The following PPARG variants were observed in gnomAD, a reference collection of about 807,000 sequenced individuals.
PPARG encodes the protein peroxisome proliferator activated receptor gamma.
PPARG carries 17 observed loss-of-function variants against 39.2 expected under a neutral mutation model. The ratio of observed to expected loss-of-function variants is 0.43; its 90% CI spans 0.30 to 0.65. The LOEUF is 0.65. Among genes scored for constraint, PPARG ranks in the 30% least tolerant of loss-of-function variants. The pLI, the probability that PPARG is intolerant of heterozygous loss-of-function variation, is 0.13. For synonymous variants in PPARG, 223 were observed against 215.7 expected, an observed-to-expected ratio of 1.03 and a Z score of -0.30; for missense variants, 406 against 585.9, an observed-to-expected ratio of 0.69 and a Z score of 3.17.
intron 7 of PPARG, among the ~76,000 whole-genome samples, chr3:12,419,581 G>A (rs1033429196): frequency 6.6e-6 from 1 of 151,862 alleles, no homozygotes; most frequent in African/African-American, 2.4e-5. Flanking sequence ...TGACTCTCCT[G>A]CCTCAGCCTC....
chr3:12,365,901 A>C (rs956364364), intron 2 of PPARG, among the ~76,000 whole-genome samples: 3 of 152,086 alleles, frequency 2.0e-5, no homozygotes, highest in African/African-American at 7.2e-5. Context: ...TTGCTTCTCC[A>C]TATAAACTGC....
chr3:12,432,731 A>C (rs1028109186), intron 7 of PPARG, among the ~76,000 whole-genome samples: 9 of 152,236 alleles, frequency 5.9e-5, no homozygotes, highest in African/African-American at 2.2e-4. Context: ...CTATCCAAAA[A>C]AAGTAGAAAT....
chr3:12,356,166 G>A (rs140566471), intron 2 of PPARG, among the ~76,000 whole-genome samples: 1 of 152,192 alleles, frequency 6.6e-6, no homozygotes. Flanking sequence ...GAAAATATAG[G>A]TGATAATGAA....
At chr3:12,401,193 C>A (rs771140885) in intron 5 of PPARG, among the ~76,000 whole-genome samples, 17 of 152,222 alleles carry the variant, frequency 1.1e-4, no homozygotes, top group African/African-American at 4.1e-4. Flanking sequence ...CGCTTTCCTC[C>A]TCTTGGTTGT....
At chr3:12,395,128 A>G (rs369701411) in intron 5 of PPARG, among the ~76,000 whole-genome samples, 13 of 152,300 alleles carry the variant, frequency 8.5e-5, no homozygotes, top group African/African-American at 1.9e-4. Flanking sequence ...TTGGATAGTC[A>G]CTGAAATCAG....
At chr3:12,288,196 G>A (rs1471160451), upstream of PPARG, among the ~76,000 whole-genome samples, 1 of 151,810 alleles carries the variant, frequency 6.6e-6, no homozygotes, top group African/African-American at 2.4e-5. Context: ...CGGCTGAGGG[G>A]TCCGGGGCTG....
intron 5 of PPARG, among the ~76,000 whole-genome samples, chr3:12,401,276 A>G (rs2050459557): frequency 6.6e-6 from 1 of 152,138 alleles, no homozygotes; most frequent in African/African-American, 2.4e-5. Flanking sequence ...CTCACAAACA[A>G]TTTAAAGATG....
At chr3:12,374,306 C>T (rs1004648941) in intron 2 of PPARG, among the ~76,000 whole-genome samples, 1 of 151,942 alleles carries the variant, frequency 6.6e-6, no homozygotes, top group Non-Finnish European at 1.5e-5. Flanking sequence ...TTGTCAAAAC[C>T]CATAGAACTT....
At chr3:12,346,048 A>G (rs946693372) in intron 2 of PPARG, among the ~76,000 whole-genome samples, 2 of 152,214 alleles carry the variant, frequency 1.3e-5, no homozygotes, top group Admixed American at 1.3e-4. Context: ...ACAAGTTAAC[A>G]TAGTTTAGGT....
intron 3 of PPARG, among the ~76,000 whole-genome samples, chr3:12,380,233 C>G (rs1304843818): frequency 6.6e-6 from 1 of 151,850 alleles, no homozygotes; most frequent in Non-Finnish European, 1.5e-5. Flanking sequence ...GTATCTCAGG[C>G]TAAGAGTCCA....
At chr3:12,301,862 C>T (rs1258576382) in intron 1 of PPARG, 3 of 152,178 alleles carry the variant, frequency 2.0e-5, no homozygotes, top group Non-Finnish European at 2.9e-5. Flanking sequence ...TTGAGGCTTT[C>T]TCTTATTCAT....
chr3:12,350,558 T>A (rs548991459), intron 2 of PPARG, among the ~76,000 whole-genome samples: 1 of 152,306 alleles, frequency 6.6e-6, no homozygotes, highest in Admixed American at 6.5e-5. Context: ...AGGCCACTCA[T>A]GTGACAAGAC....
intron 5 of PPARG, among the ~76,000 whole-genome samples, chr3:12,396,829 T>C (rs938865081): frequency 6.6e-6 from 1 of 151,890 alleles, no homozygotes; most frequent in Non-Finnish European, 1.5e-5. Context: ...ATGTATGAAC[T>C]AAATAATAAA....
chr3:12,434,332 C>T lies in PPARG; in HGVS notation c.*187C>T. On this transcript the variant is annotated 3_prime_UTR_variant, in exon 8 of 8. Transcript: ENST00000651735. The surrounding 1 kb of genome is among the most constrained non-coding windows in gnomAD (Gnocchi z 4.2). ...AATTTACTTTTAATATTAAAAATTA[C>T]CATATTATGAAATTGCTGATAGTAT... 1 of 780,260 alleles carries T rather than the reference C, an allele frequency of 1.3e-6. No homozygotes were observed. Among genetic ancestry groups the T allele is most frequent in the Non-Finnish European group, 2.0e-6 (1 of 497,308 alleles). The allele number at this position is 780,260 out of a possible 1,614,324, so 48.3% of individuals were successfully genotyped here.
At chr3:12,356,076 C>G (rs1422571642) in intron 2 of PPARG, among the ~76,000 whole-genome samples, 1 of 152,188 alleles carries the variant, frequency 6.6e-6, no homozygotes, top group Non-Finnish European at 1.5e-5. Context: ...GTCCTGTTAG[C>G]TCCCTTTGGA....
intron 1 of PPARG, among the ~76,000 whole-genome samples, chr3:12,299,793 A>T (rs1157661497): frequency 6.6e-6 from 1 of 152,190 alleles, no homozygotes; most frequent in Non-Finnish European, 1.5e-5. Context: ...CATCAAAAAA[A>T]CTTTTTTTCT....
At chr3:12,357,877 G>A in intron 2 of PPARG, among the ~76,000 whole-genome samples, 1 of 152,136 alleles carries the variant, frequency 6.6e-6, no homozygotes, top group South Asian at 2.1e-4. Context: ...AAAGATCCAT[G>A]TTTTATTCTA....
At chr3:12,367,578 G>GTGA (rs2049057487) in intron 2 of PPARG, among the ~76,000 whole-genome samples, 1 of 152,000 alleles carries the variant, frequency 6.6e-6, no homozygotes, top group Non-Finnish European at 1.5e-5. Flanking sequence ...GCCAAGCATA[G>GTGA]TGACTCATGC....
intron 7 of PPARG, among the ~76,000 whole-genome samples, chr3:12,422,899 G>T (rs1043299860): frequency 1.7e-4 from 26 of 150,808 alleles, no homozygotes; most frequent in Non-Finnish European, 5.9e-5. Flanking sequence ...AAAAAGAAAA[G>T]AAAAAGAAAA....
Sources: gnomAD v4.1 joint callset for allele counts (sites outside exome capture counted in the v4.1 genomes callset) on GRCh38, gnomAD v4.1.1 for gene constraint, Gnocchi (gnomAD v3.1) non-coding constraint, MANE v1.5 for transcripts, NCBI Gene and HGNC (gene_info 2026-07-23, HGNC 2026-07-21) for gene names.